Variants in CWC27 observed in about 807,000 individuals in gnomAD.
The protein encoded by CWC27 is CWC27 spliceosome associated cyclophilin.
A neutral mutation model predicts 63.6 loss-of-function variants in CWC27; 47 were observed. That is an observed-to-expected ratio of 0.74 (90% CI 0.58 to 0.94). The LOEUF (loss-of-function observed/expected upper bound fraction) is 0.94. CWC27 is among the 40% of genes least tolerant of loss of function. CWC27 has a pLI of 0.00. For synonymous variants in CWC27, 175 were observed against 179.8 expected, an observed-to-expected ratio of 0.97 and a Z score of 0.22; for missense variants, 495 against 554.3, an observed-to-expected ratio of 0.89 and a Z score of 1.07.
rs776523899 is a variant in CWC27, at chr5:64,800,252, T to C, written c.674T>C (p.Met225Thr). ...EEEVNRVSQS[M>T]KGKSKSSHDL... ...TATATTGTACATTCTTTGCAGAGCA[T>C]GAAGGGCAAAAGCAAAAGTAGTCAT... The change falls in exon 8 of 14, where the codon ATG (methionine) becomes ACG (threonine). Residue 225 changes from methionine to threonine, a missense_variant. Physicochemically the swap from Met to Thr is moderately conservative, Grantham distance 81 (BLOSUM62 -1). Transcript: ENST00000381070. 1.2e-6 allele frequency: 2 copies of C among 1,608,628 alleles called. No homozygotes were observed. Among genetic ancestry groups the C allele is most frequent in the South Asian group, 1.1e-5 (1 of 90,712 alleles).
chr5:64,937,721 G>A (rs1356317482), intron 11 of CWC27, among the ~76,000 whole-genome samples: 2 of 151,958 alleles, frequency 1.3e-5, no homozygotes, highest in African/African-American at 2.4e-5. Flanking sequence ...TTATTATGTG[G>A]GAGTCTAAAT....
chr5:64,891,392 G>A (rs1317769738), intron 11 of CWC27, among the ~76,000 whole-genome samples: 1 of 152,096 alleles, frequency 6.6e-6, no homozygotes, highest in Non-Finnish European at 1.5e-5. Context: ...ACCTTTAAGT[G>A]CTAGAAACCA....
At chr5:64,974,131 G>A (rs1012721898) in intron 12 of CWC27, among the ~76,000 whole-genome samples, 1 of 151,864 alleles carries the variant, frequency 6.6e-6, no homozygotes, top group Non-Finnish European at 1.5e-5. Flanking sequence ...CCAGCTACTT[G>A]GGAGGCTAAG....
chr5:64,789,492 A>G (rs1309187470), intron 7 of CWC27, among the ~76,000 whole-genome samples: 1 of 152,128 alleles, frequency 6.6e-6, no homozygotes, highest in African/African-American at 2.4e-5. Context: ...ATTCAGCTAT[A>G]GTTTATAATT....
intron 11 of CWC27, among the ~76,000 whole-genome samples, chr5:64,923,527 C>G (rs896425723): frequency 6.7e-6 from 1 of 149,638 alleles, no homozygotes; most frequent in African/African-American, 2.5e-5. Context: ...TCTCTCGGTG[C>G]ATCTGTCAGA....
chr5:64,776,484 C>G (rs1221421853), intron 2 of CWC27, among the ~76,000 whole-genome samples: 3 of 151,994 alleles, frequency 2.0e-5, no homozygotes, highest in African/African-American at 7.2e-5. Context: ...AATTATTCCC[C>G]TATTTATAAT....
intron 13 of CWC27, among the ~76,000 whole-genome samples, chr5:64,991,924 CAGTT>C (rs1353354184): frequency 1.3e-5 from 2 of 152,068 alleles, no homozygotes; most frequent in African/African-American, 2.4e-5. Flanking sequence ...GGCCAATTAT[CAGTT>C]AGTCAGATTA....
chr5:65,013,237 A>G (rs1749993035), intron 13 of CWC27, among the ~76,000 whole-genome samples: 1 of 152,212 alleles, frequency 6.6e-6, no homozygotes. Flanking sequence ...AGAAATGAAA[A>G]GAGACTTATG....
At chr5:64,855,946 A>G (rs1746248550) in intron 10 of CWC27, among the ~76,000 whole-genome samples, 1 of 152,128 alleles carries the variant, frequency 6.6e-6, no homozygotes, top group African/African-American at 2.4e-5. Context: ...TAAGAAATCC[A>G]TAATATGAAC....
chr5:64,917,754 G>C (rs1292111928), intron 11 of CWC27, among the ~76,000 whole-genome samples: 1 of 152,090 alleles, frequency 6.6e-6, no homozygotes, highest in Non-Finnish European at 1.5e-5. Flanking sequence ...ATTGACTCTT[G>C]TTGGGTCTGA....
At chr5:64,995,931 TG>T (rs1367531502) in intron 13 of CWC27, among the ~76,000 whole-genome samples, 1 of 152,228 alleles carries the variant, frequency 6.6e-6, no homozygotes, top group Non-Finnish European at 1.5e-5. Flanking sequence ...ATTTAACAGG[TG>T]GCCGCTACCT....
chr5:64,909,978 G>C (rs1448161247), intron 11 of CWC27, among the ~76,000 whole-genome samples: 1 of 152,156 alleles, frequency 6.6e-6, no homozygotes. Context: ...TTGCTGGCAA[G>C]GAGCTGTGAT....
intron 10 of CWC27, among the ~76,000 whole-genome samples, chr5:64,829,683 G>C (rs1367248471): frequency 8.3e-6 from 1 of 120,086 alleles, no homozygotes; most frequent in Non-Finnish European, 1.7e-5. Context: ...TGGGATACAT[G>C]TACAGAACAT....
At chr5:64,942,447 A>C (rs1021227403) in intron 11 of CWC27, among the ~76,000 whole-genome samples, 1 of 150,948 alleles carries the variant, frequency 6.6e-6, no homozygotes, top group Non-Finnish European at 1.5e-5. Context: ...TTAAAAAAAA[A>C]AAAAAAAAAA....
intron 10 of CWC27, chr5:64,808,350 T>G: frequency 2.0e-6 from 2 of 987,814 alleles, no homozygotes; most frequent in Non-Finnish European, 2.4e-6. Context: ...ATTCCCTGAC[T>G]CCTTAGTGCA....
chr5:64,806,329 G>A (rs932035000), intron 10 of CWC27, among the ~76,000 whole-genome samples: 3 of 152,128 alleles, frequency 2.0e-5, no homozygotes, highest in African/African-American at 7.2e-5. Context: ...ACTTAGAAAA[G>A]TAAATTAAAT....
chr5:64,802,160 A>G (rs1479348738), intron 9 of CWC27, among the ~76,000 whole-genome samples: 2 of 152,234 alleles, frequency 1.3e-5, no homozygotes, highest in African/African-American at 4.8e-5. Context: ...AGCATATGCT[A>G]AAGCATGGAA....
At chr5:64,822,382 T>G (rs1188576400) in intron 10 of CWC27, among the ~76,000 whole-genome samples, 1 of 152,206 alleles carries the variant, frequency 6.6e-6, no homozygotes, top group Non-Finnish European at 1.5e-5. Context: ...GTACAGTAGC[T>G]TCATGGAACA....
intron 10 of CWC27, chr5:64,804,748 A>G (rs951050238): frequency 6.2e-6 from 1 of 160,430 alleles, no homozygotes; most frequent in African/African-American, 2.4e-5. Flanking sequence ...AGACATCCTC[A>G]AATAATTTCG....
Sources: gnomAD v4.1 joint callset for allele counts (sites outside exome capture counted in the v4.1 genomes callset) on GRCh38, gnomAD v4.1.1 for gene constraint, MANE v1.5 for transcripts, NCBI Gene and HGNC (gene_info 2026-07-23, HGNC 2026-07-21) for gene names.